Variants in CACNB4 observed in about 807,000 individuals in gnomAD.
CACNB4 encodes the protein calcium voltage-gated channel auxiliary subunit beta 4, also known as voltage-dependent L-type calcium channel subunit beta-4.
A neutral mutation model predicts 71.2 loss-of-function variants in CACNB4; 32 were observed. That is an observed-to-expected ratio of 0.45 (90% CI 0.34 to 0.60). The LOEUF is 0.60. Among genes scored for constraint, CACNB4 ranks in the 20% least tolerant of loss-of-function variants. CACNB4 has a pLI of 0.01. For synonymous variants in CACNB4, 231 were observed against 236.9 expected (o/e 0.97, Z 0.23); for missense variants, 464 against 647.9 (o/e 0.72, Z 3.08).
chr2:152,095,218 G>C (rs1688201102), intron 2 of CACNB4, among the ~76,000 whole-genome samples: 1 of 152,202 alleles, frequency 6.6e-6, no homozygotes, highest in African/African-American at 2.4e-5. Context: ...GGGGCTTCAT[G>C]AGCAGTCCTC....
chr2:151,876,181 T>C (rs1578582919), intron 5 of CACNB4, among the ~76,000 whole-genome samples: 1 of 152,050 alleles, frequency 6.6e-6, no homozygotes, highest in Admixed American at 6.6e-5. Flanking sequence ...AGAGGAAAGC[T>C]TGGGTTCCAA....
intron 2 of CACNB4, among the ~76,000 whole-genome samples, chr2:152,001,620 G>A (rs1230082590): frequency 6.6e-6 from 1 of 151,400 alleles, no homozygotes; most frequent in Admixed American, 6.6e-5. Context: ...GGCTGAGGCA[G>A]GAGAATCGCT....
intron 2 of CACNB4, chr2:151,971,431 A>C: frequency 1.4e-6 from 1 of 696,328 alleles, no homozygotes; most frequent in Non-Finnish European, 2.6e-6. Flanking sequence ...CTCAGCTTTT[A>C]GTGCCTATAT....
At chr2:152,011,528 C>T (rs569917597) in intron 2 of CACNB4, among the ~76,000 whole-genome samples, 1 of 152,310 alleles carries the variant, frequency 6.6e-6, no homozygotes, top group South Asian at 2.1e-4. Flanking sequence ...ACCCTGCCGT[C>T]CCAGTAGCAA....
At chr2:151,858,899 A>G (rs186841259) in intron 10 of CACNB4, 1 of 152,148 alleles carries the variant, frequency 6.6e-6, no homozygotes, top group Admixed American at 6.5e-5. Context: ...TCTTCTTTAT[A>G]CCCCTAGTTC....
chr2:151,858,531 G>T (rs1200510674), intron 10 of CACNB4: 1 of 152,174 alleles, frequency 6.6e-6, no homozygotes, highest in Non-Finnish European at 1.5e-5. Flanking sequence ...TTGCAGAGAA[G>T]AAACCTGTCA....
chr2:152,005,175 C>T (rs763940365), intron 2 of CACNB4, among the ~76,000 whole-genome samples: 12 of 152,270 alleles, frequency 7.9e-5, no homozygotes, highest in Non-Finnish European at 1.5e-4. Context: ...TACTGGGTAT[C>T]TACTCAAAGG....
chr2:151,874,454 C>A (rs1406678550), intron 5 of CACNB4, among the ~76,000 whole-genome samples: 2 of 140,718 alleles, frequency 1.4e-5, no homozygotes, highest in Non-Finnish European at 3.0e-5. Flanking sequence ...GGCGACAGAG[C>A]GAGACTCTAA....
chr2:152,080,279 ACCC>A (rs1050426635), intron 2 of CACNB4, among the ~76,000 whole-genome samples: 2 of 151,524 alleles, frequency 1.3e-5, no homozygotes, highest in Non-Finnish European at 2.9e-5. Flanking sequence ...ACACCACCAC[ACCC>A]GGCTAATTTT....
chr2:151,860,987 T>C, intron 9 of CACNB4, 167 bp from the exon 10 acceptor site: 1 of 592,586 alleles, frequency 1.7e-6, no homozygotes, highest in South Asian at 2.1e-5. Flanking sequence ...AGTATCAGAA[T>C]GCAAGCAGAG....
intron 9 of CACNB4, chr2:151,866,028 G>C (rs184743422): frequency 5.9e-5 from 9 of 152,280 alleles, no homozygotes; most frequent in African/African-American, 1.7e-4. Context: ...CAGGTGATCT[G>C]CCCACCTGGG....
At chr2:151,865,554 T>C (rs1413907852) in intron 9 of CACNB4, among the ~76,000 whole-genome samples, 1 of 148,084 alleles carries the variant, frequency 6.8e-6, no homozygotes, top group Non-Finnish European at 1.5e-5. Flanking sequence ...GTTTGACTGC[T>C]GGCTGTTCAG....
At chr2:151,966,707 A>G (rs1259488690) in intron 2 of CACNB4, among the ~76,000 whole-genome samples, 1 of 152,230 alleles carries the variant, frequency 6.6e-6, no homozygotes, top group Non-Finnish European at 1.5e-5. Context: ...GTTGGAAATC[A>G]CTGTCAAAAA....
chr2:152,065,948 A>G (rs1245412411), intron 2 of CACNB4, among the ~76,000 whole-genome samples: 6 of 152,226 alleles, frequency 3.9e-5, no homozygotes, highest in Non-Finnish European at 8.8e-5. Context: ...ATTCTTGGTT[A>G]CAAAAGTTAA....
At chr2:152,070,276 G>A (rs998190070) in intron 2 of CACNB4, among the ~76,000 whole-genome samples, 3 of 152,022 alleles carry the variant, frequency 2.0e-5, no homozygotes, top group Admixed American at 6.6e-5. Flanking sequence ...TCAAGAACAG[G>A]GCACTTCTTA....
At position 151,837,078 on chromosome 2, in the gene CACNB4, C is replaced by T. The variant is rs1248025967; in HGVS notation, c.*2041G>A. 1 of 151,926 alleles carries T rather than the reference C, an allele frequency of 6.6e-6. No individual in the cohort carries two copies. The highest frequency in any genetic ancestry group is 1.5e-5 in the Non-Finnish European group (1 of 67,856). The allele number at this position is 151,926 out of a possible 1,614,324, so 9.4% of individuals were successfully genotyped here. On this transcript the variant is annotated 3_prime_UTR_variant, in exon 14 of 14. Coordinates refer to ENST00000539935, the MANE Select transcript of CACNB4 (RefSeq NM_000726.5). The stretch of plus-strand genomic sequence containing the variant: ...TGGAAGATGCTCTTCTGTGTTCTAA[C>T]AAAGTATTCAGTAATGGCAGGTTAT...
chr2:151,964,949 C>T (rs1448304633), intron 2 of CACNB4, among the ~76,000 whole-genome samples: 1 of 151,686 alleles, frequency 6.6e-6, no homozygotes, highest in Admixed American at 6.6e-5. Context: ...TCTGTGCTCC[C>T]TACCTTATCA....
chr2:152,067,779 T>C (rs1579235605), intron 2 of CACNB4, among the ~76,000 whole-genome samples: 1 of 152,170 alleles, frequency 6.6e-6, no homozygotes, highest in African/African-American at 2.4e-5. Context: ...CTAAAACTCT[T>C]ACCTGTGGTG....
intron 2 of CACNB4, among the ~76,000 whole-genome samples, chr2:151,926,603 C>T (rs563657823): frequency 6.6e-6 from 1 of 152,316 alleles, no homozygotes; most frequent in East Asian, 1.9e-4. Context: ...TTTGACTCCT[C>T]CCTAATGCAG....
Sources: allele counts gnomAD v4.1 joint callset (sites outside exome capture counted in the v4.1 genomes callset), GRCh38; gene constraint gnomAD v4.1.1; transcripts MANE v1.5; gene names NCBI Gene and HGNC (gene_info 2026-07-23, HGNC 2026-07-21).